Variants in DCC observed in about 807,000 individuals in gnomAD.
The protein encoded by DCC is netrin receptor DCC.
Under a neutral mutation model 172.5 loss-of-function variants are expected in DCC, and 58 were observed. The ratio of observed to expected loss-of-function variants is 0.34; its 90% confidence interval spans 0.27 to 0.42. DCC has a LOEUF of 0.42. Among genes scored for constraint, DCC ranks in the 10% least tolerant of loss-of-function variants. DCC has a pLI of 1.00. For synonymous variants in DCC, 709 were observed against 644.5 expected (o/e 1.10, Z -1.52); for missense variants, 1,740 against 1,791.0 (o/e 0.97, Z 0.51).
At chr18:52,861,301 T>C (rs1049721540) in intron 2 of DCC, among the ~76,000 whole-genome samples, 1 of 152,192 alleles carries the variant, frequency 6.6e-6, no homozygotes, top group African/African-American at 2.4e-5. Flanking sequence ...GAGCTTTTTA[T>C]TGGCTCTATA....
At chr18:52,999,720 C>T (rs893773842) in intron 5 of DCC, among the ~76,000 whole-genome samples, 7 of 152,068 alleles carry the variant, frequency 4.6e-5, no homozygotes, top group Non-Finnish European at 1.5e-5. Context: ...AGACTTCATA[C>T]ACTGGACCAA....
intron 5 of DCC, among the ~76,000 whole-genome samples, chr18:52,992,980 A>G (rs1429081797): frequency 7.1e-6 from 1 of 140,330 alleles, no homozygotes; most frequent in Non-Finnish European, 1.5e-5. Flanking sequence ...CTCTGTCTCA[A>G]ATTTAAAAAA....
chr18:52,650,881 T>C (rs62083446), intron 1 of DCC, among the ~76,000 whole-genome samples: 35,846 of 152,140 alleles, frequency 0.24, 4,974 homozygotes, highest in Non-Finnish European at 0.33. Flanking sequence ...ATAGAAGATA[T>C]CTCTTATTCA....
intron 13 of DCC, among the ~76,000 whole-genome samples, chr18:53,307,198 A>T (rs2057210922): frequency 1.3e-5 from 2 of 152,212 alleles, no homozygotes; most frequent in Admixed American, 6.5e-5. Flanking sequence ...CATGTTTTAA[A>T]TATGGACAAA....
intron 1 of DCC, among the ~76,000 whole-genome samples, chr18:52,343,924 G>C: frequency 8.1e-6 from 1 of 123,016 alleles, no homozygotes; most frequent in East Asian, 2.5e-4. Context: ...ACTCCTCTGT[G>C]AGTGCCGCAG....
chr18:52,885,890 G>A (rs559401580), intron 2 of DCC, among the ~76,000 whole-genome samples: 12 of 152,034 alleles, frequency 7.9e-5, no homozygotes, highest in African/African-American at 2.9e-4. Flanking sequence ...TGCTATGACT[G>A]GATTCTTCCT....
At chr18:53,243,660 G>A (rs537584446) in intron 12 of DCC, among the ~76,000 whole-genome samples, 7 of 152,246 alleles carry the variant, frequency 4.6e-5, no homozygotes, top group Admixed American at 3.3e-4. Context: ...GAAACTTAAT[G>A]CTGCTGAACG....
chr18:53,203,352 T>C (rs898225319), intron 9 of DCC, among the ~76,000 whole-genome samples: 1 of 151,972 alleles, frequency 6.6e-6, no homozygotes, highest in African/African-American at 2.4e-5. Context: ...ACTATCCTCA[T>C]TCTTAAAATT....
At chr18:52,985,979 C>T (rs2041286919) in intron 5 of DCC, among the ~76,000 whole-genome samples, 1 of 152,148 alleles carries the variant, frequency 6.6e-6, no homozygotes, top group Non-Finnish European at 1.5e-5. Flanking sequence ...TTAGGGTTGG[C>T]TGTTCTCTTG....
chr18:52,668,349 A>G (rs1316278288), intron 1 of DCC, among the ~76,000 whole-genome samples: 1 of 152,226 alleles, frequency 6.6e-6, no homozygotes, highest in Non-Finnish European at 1.5e-5. Flanking sequence ...TTTAGATTTT[A>G]AAGCTCTAAT....
intron 2 of DCC, among the ~76,000 whole-genome samples, chr18:52,899,537 T>C (rs2039780582): frequency 1.3e-5 from 2 of 151,954 alleles, no homozygotes; most frequent in South Asian, 4.1e-4. Flanking sequence ...GTATTTTTGA[T>C]AGAGACGGGG....
At position 52,346,511 on chromosome 18, in the gene DCC, G is replaced by A. The variant is rs563709656; in HGVS notation, c.91+5633G>A. Among the ~76,000 whole-genome samples the A allele has an allele frequency of 7.9e-5, 12 of 152,306 alleles. No individual in the cohort carries two copies. The South Asian group carries it at 2.1e-3, about 26-fold the overall frequency. ...TTTAATTCAACTATTAAGTGAAAGT[G>A]TTTTCTTTGGTAGTTTAGAAATACC... On this transcript the variant is annotated intron_variant, in intron 1 of 28. Coordinates refer to ENST00000442544, the MANE Select transcript of DCC (RefSeq NM_005215.4).
intron 5 of DCC, among the ~76,000 whole-genome samples, chr18:53,031,655 A>G (rs1156763076): frequency 1.3e-5 from 2 of 152,128 alleles, no homozygotes; most frequent in African/African-American, 4.8e-5. Context: ...ATATAAGACA[A>G]AAATAAATAT....
At chr18:52,849,420 C>A (rs1377722242) in intron 2 of DCC, among the ~76,000 whole-genome samples, 3 of 152,170 alleles carry the variant, frequency 2.0e-5, no homozygotes, top group Non-Finnish European at 4.4e-5. Context: ...TTTTGTTTCT[C>A]CTTCTCTAAC....
chr18:52,591,141 G>A (rs2033790601), intron 1 of DCC, among the ~76,000 whole-genome samples: 1 of 152,086 alleles, frequency 6.6e-6, no homozygotes, highest in African/African-American at 2.4e-5. Context: ...CTATCAGGAA[G>A]GAAAACCTGC....
rs569037243 is a variant in DCC, at chr18:53,435,551, G to T, written c.3229+342G>T. On this transcript the variant is annotated intron_variant, in intron 22 of 28. Transcript: ENST00000442544. ...TACAATACATTTAAGATGTTTGCAGGAATCTAATTTTATTTGAGAGAGGTG... is the reference window on the plus strand; with the variant it reads ...TACAATACATTTAAGATGTTTGCAGTAATCTAATTTTATTTGAGAGAGGTG... Among the ~76,000 whole-genome samples the T allele has an allele frequency of 1.2e-4, 18 of 152,148 alleles. No homozygotes were observed. The East Asian group carries it at 3.5e-3, about 29-fold the overall frequency.
At chr18:52,935,111 CTTATA>C (rs1484522876) in intron 5 of DCC, among the ~76,000 whole-genome samples, 1 of 152,048 alleles carries the variant, frequency 6.6e-6, no homozygotes, top group East Asian at 1.9e-4. Flanking sequence ...ACAATGAAGA[CTTATA>C]TTATCAACAT....
intron 1 of DCC, among the ~76,000 whole-genome samples, chr18:52,547,586 T>C (rs779609882): frequency 1.7e-4 from 26 of 152,158 alleles, no homozygotes; most frequent in South Asian, 4.1e-4. Context: ...AGATGAGTTG[T>C]TTAGACATTT....
chr18:52,927,630 A>C (rs2040239624), intron 5 of DCC, among the ~76,000 whole-genome samples: 1 of 152,032 alleles, frequency 6.6e-6, no homozygotes, highest in Non-Finnish European at 1.5e-5. Context: ...ATTATGTAAA[A>C]AATATTGAAA....
Sources: allele counts gnomAD v4.1 joint callset (sites outside exome capture counted in the v4.1 genomes callset), GRCh38; gene constraint gnomAD v4.1.1; transcripts MANE v1.5; gene names NCBI Gene and HGNC (gene_info 2026-07-23, HGNC 2026-07-21).